CTNNA3: variants seen among roughly 807,000 people sequenced by gnomAD.
CTNNA3 encodes catenin alpha-3.
CTNNA3 carries 76 observed loss-of-function variants against 95.7 expected under a neutral mutation model. That is an observed-to-expected ratio of 0.79 (90% CI 0.66 to 0.96). The LOEUF is 0.96. Ranked by LOEUF, CTNNA3 falls within the 40% of genes least tolerant of loss-of-function variation. The pLI is 0.00. For synonymous variants in CTNNA3, 431 were observed against 374.4 expected (o/e 1.15, Z -1.74); for missense variants, 1,191 against 1,089.8 (o/e 1.09, Z -1.31).
chr10:66,211,589 T>A (rs2088158412), intron 13 of CTNNA3, among the ~76,000 whole-genome samples: 1 of 152,080 alleles, frequency 6.6e-6, no homozygotes, highest in African/African-American at 2.4e-5. Flanking sequence ...TGTGTTTGAG[T>A]TTAAAAGCAA....
chr10:67,396,681 T>C (rs918903858), intron 5 of CTNNA3, among the ~76,000 whole-genome samples: 1 of 152,154 alleles, frequency 6.6e-6, no homozygotes, highest in Non-Finnish European at 1.5e-5. Flanking sequence ...AGAGAAAATA[T>C]ATTTATTATT....
intron 9 of CTNNA3, among the ~76,000 whole-genome samples, chr10:66,669,452 A>G (rs934392202): frequency 4.6e-5 from 7 of 152,124 alleles, no homozygotes; most frequent in Non-Finnish European, 1.0e-4. Flanking sequence ...CTGAGGCACG[A>G]GAATCACTTG....
At position 66,753,646 on chromosome 10, in the gene CTNNA3, G is replaced by C. The variant is rs563248790; in HGVS notation, c.1281+12618C>G. ...CATTGCACTCTAGCCTCGGCAAAAAGAATGAAACTCCATCTCAAAAAAAAA... is the reference window on the plus strand; with the variant it reads ...CATTGCACTCTAGCCTCGGCAAAAACAATGAAACTCCATCTCAAAAAAAAA... On this transcript the variant is annotated intron_variant, in intron 9 of 17. Coordinates refer to ENST00000433211, the MANE Select transcript of CTNNA3 (RefSeq NM_013266.4). Among the ~76,000 whole-genome samples the C allele has an allele frequency of 2.7e-4, 40 of 146,058 alleles. 1 individual carries two copies. The East Asian group carries it at 3.0e-3, about 11-fold the overall frequency.
intron 11 of CTNNA3, among the ~76,000 whole-genome samples, chr10:66,517,036 T>G (rs948830744): frequency 6.6e-6 from 1 of 151,900 alleles, no homozygotes; most frequent in African/African-American, 2.4e-5. Context: ...GTCTGGCCAA[T>G]ACAGTGAAAC....
intron 17 of CTNNA3, among the ~76,000 whole-genome samples, chr10:65,932,682 T>G (rs2077273350): frequency 6.6e-6 from 1 of 152,168 alleles, no homozygotes; most frequent in Non-Finnish European, 1.5e-5. Context: ...GATCTCTTAA[T>G]TGGGACTGTT....
chr10:65,969,223 A>G (rs1223598641), intron 16 of CTNNA3, among the ~76,000 whole-genome samples: 5 of 152,130 alleles, frequency 3.3e-5, no homozygotes, highest in Non-Finnish European at 5.9e-5. Flanking sequence ...AATAGATGGG[A>G]AAGGGAAAGG....
At chr10:66,912,926 A>G (rs1256490037) in intron 7 of CTNNA3, among the ~76,000 whole-genome samples, 1 of 151,946 alleles carries the variant, frequency 6.6e-6, no homozygotes, top group African/African-American at 2.4e-5. Flanking sequence ...GCTTCTTCCA[A>G]TTTAAAAGTT....
chr10:66,683,893 G>A (rs1847154692), intron 9 of CTNNA3, among the ~76,000 whole-genome samples: 1 of 152,102 alleles, frequency 6.6e-6, no homozygotes, highest in Non-Finnish European at 1.5e-5. Context: ...AAAACCCCCA[G>A]CAAAATTGCA....
chr10:67,726,432 C>CATATATAATATTATATATTATATT (rs1491155133), intron 1 of CTNNA3, among the ~76,000 whole-genome samples: 6 of 51,408 alleles, frequency 1.2e-4, no homozygotes, highest in Non-Finnish European at 1.7e-4. Context: ...TATATTATAT[C>CATATATAATATTATATATTATATT]ATATATAATA....
intron 9 of CTNNA3, among the ~76,000 whole-genome samples, chr10:66,650,009 G>T (rs535590881): frequency 6.6e-6 from 1 of 152,086 alleles, no homozygotes; most frequent in African/African-American, 2.4e-5. Context: ...CAATAGCAGG[G>T]GACTCAAATA....
intron 5 of CTNNA3, among the ~76,000 whole-genome samples, chr10:67,427,916 G>A (rs1371151622): frequency 1.3e-5 from 2 of 152,024 alleles, no homozygotes; most frequent in African/African-American, 4.8e-5. Context: ...GTTCAATAGA[G>A]GGAGACAGCT....
At chr10:67,518,452 G>A (rs1839885868) in intron 5 of CTNNA3, among the ~76,000 whole-genome samples, 1 of 152,108 alleles carries the variant, frequency 6.6e-6, no homozygotes. Context: ...AGAGAGACAA[G>A]AATCAGATAC....
chr10:67,335,958 G>A (rs1163785506), intron 5 of CTNNA3, among the ~76,000 whole-genome samples: 2 of 151,056 alleles, frequency 1.3e-5, no homozygotes, highest in African/African-American at 4.9e-5. Context: ...AACACCATGT[G>A]CTCACTTCCT....
intron 4 of CTNNA3, among the ~76,000 whole-genome samples, chr10:67,535,195 T>C (rs767858341): frequency 6.6e-6 from 1 of 152,122 alleles, no homozygotes; most frequent in Non-Finnish European, 1.5e-5. Context: ...AGAAGCATGG[T>C]TTATACAGCA....
intron 15 of CTNNA3, among the ~76,000 whole-genome samples, chr10:66,040,339 G>A (rs770033910): frequency 8.6e-5 from 13 of 151,982 alleles, no homozygotes; most frequent in Non-Finnish European, 1.5e-4. Flanking sequence ...AGAAGTAAGA[G>A]GAGAACTGTC....
intron 7 of CTNNA3, among the ~76,000 whole-genome samples, chr10:66,940,179 G>C (rs1307782451): frequency 6.6e-6 from 1 of 152,040 alleles, no homozygotes; most frequent in African/African-American, 2.4e-5. Context: ...TCTGAAATTT[G>C]CATTAATCTA....
At chr10:67,430,819 C>G (rs201683425) in intron 5 of CTNNA3, among the ~76,000 whole-genome samples, 34 of 28,652 alleles carry the variant, frequency 1.2e-3, no homozygotes, top group South Asian at 8.0e-3. Context: ...TCAAACATAA[C>G]TACACACACA....
chr10:67,110,685 ATAAT>A (rs1166370177), intron 7 of CTNNA3, among the ~76,000 whole-genome samples: 2 of 152,160 alleles, frequency 1.3e-5, no homozygotes, highest in Non-Finnish European at 2.9e-5. Flanking sequence ...AAACATCTGC[ATAAT>A]TAAACATTTT....
intron 3 of CTNNA3, among the ~76,000 whole-genome samples, chr10:67,570,267 T>C (rs991422858): frequency 3.3e-5 from 5 of 151,978 alleles, no homozygotes; most frequent in African/African-American, 1.2e-4. Flanking sequence ...ATTGACTTCT[T>C]CCTCTTGTCT....
Sources: allele counts gnomAD v4.1 joint callset (sites outside exome capture counted in the v4.1 genomes callset), GRCh38; gene constraint gnomAD v4.1.1; transcripts MANE v1.5; gene names NCBI Gene and HGNC (gene_info 2026-07-23, HGNC 2026-07-21).